The following NBPF26 variants were observed in gnomAD, a reference collection of about 807,000 sequenced individuals.
NBPF26 encodes the protein NBPF member 26, also known as NBPF family member NBPF26.
Under a neutral mutation model 119.6 loss-of-function variants are expected in NBPF26, and 79 were observed. The ratio of observed to expected loss-of-function variants is 0.66; its 90% CI spans 0.55 to 0.80. NBPF26 has a LOEUF of 0.80. NBPF26 is among the 30% of genes least tolerant of loss of function. The pLI is 0.00. For missense variants in NBPF26, 800 were observed against 1,198.2 expected, an observed-to-expected ratio of 0.67 and a Z score of 4.91; for synonymous variants, 299 against 457.7, an observed-to-expected ratio of 0.65 and a Z score of 4.43.
chr1:120,766,086 A>G (rs1651191814), intron 2 of NBPF26, among the ~76,000 whole-genome samples: 2 of 40,722 alleles, frequency 4.9e-5, no homozygotes, highest in East Asian at 5.3e-4. Context: ...ACCATGGCAC[A>G]TGTATACCTA....
chr1:120,731,935 TTCTGGGTTAAGAGTAGC>T lies in NBPF26; in HGVS notation c.73+7689_73+7705del, dbSNP rs1404675319. ...GATCTATGGGTGTTGCAGAACCTGT[TTCTGGGTTAAGAGTAGC>T]TCTCTCACCCTTATTATATATGTTT... On this transcript the variant is annotated intron_variant, in intron 1 of 29. Transcript: ENST00000620612. 4.9e-5 allele frequency among the ~76,000 whole-genome samples: 5 copies of T among 101,714 alleles called. 2 individuals are homozygous for T. Among genetic ancestry groups the T allele is most frequent in the African/African-American group, 3.3e-4 (5 of 15,280 alleles). The allele number at this position is 101,714 out of a possible 152,430, so 66.7% of individuals were successfully genotyped here.
chr1:120,840,808 G>T (rs1386196728), downstream of NBPF26: 13 of 576,010 alleles, frequency 2.3e-5, 3 homozygotes, highest in Non-Finnish European at 3.1e-5. Context: ...ACATAACTGT[G>T]CAGCACATGC....
chr1:120,784,616 C>A (rs1484086406), intron 2 of NBPF26, among the ~76,000 whole-genome samples: 1 of 118,440 alleles, frequency 8.4e-6, no homozygotes, highest in Non-Finnish European at 1.6e-5. Context: ...TCTTTGCTCA[C>A]CCCACACCCT....
At position 120,810,777 on chromosome 1, in the gene NBPF26, A is replaced by T. The variant is rs1478458818; in HGVS notation, c.1564+219A>T. Among the ~76,000 whole-genome samples, 4 of 111,178 alleles carry T rather than the reference A, an allele frequency of 3.6e-5. 1 individual carries two copies. Among genetic ancestry groups the T allele is most frequent in the Non-Finnish European group, 7.0e-5 (4 of 57,370 alleles). 72.9% of individuals were successfully genotyped at this position (111,178 alleles called of 152,430 possible). A position where few individuals can be genotyped will look rare whatever the true frequency, so the allele number is the denominator to read the frequency against. ...AAGACCAGCCTACACAATATGGTGA[A>T]ACCCATCTTTACAAAGAATACAAAA... On this transcript the variant is annotated intron_variant, in intron 9 of 29. Transcript: ENST00000620612.
intron 18 of NBPF26, among the ~76,000 whole-genome samples, chr1:120,825,306 C>CTT (rs1316268201): frequency 8.2e-6 from 1 of 122,482 alleles, no homozygotes; most frequent in African/African-American, 4.6e-5. Context: ...TCTCCTCTCT[C>CTT]TCTCTCTCCC....
At chr1:120,810,165 C>T (rs1193837523) in intron 8 of NBPF26, among the ~76,000 whole-genome samples, 182 bp from the exon 9 acceptor site, 1 of 120,862 alleles carries the variant, frequency 8.3e-6, no homozygotes, top group Non-Finnish European at 1.6e-5. Flanking sequence ...TCTCTGGCTC[C>T]CATGGCAGCC....
Position 120,811,084 on chromosome 1 carries a change from CAA to C in NBPF26, c.1564+539_1564+540del, listed in dbSNP as rs1271078942. ...TGAAACCCCGTCTTTACTAAAAATA[CAA>C]AAAAAAAAAAAATTAGCTGGGTGTG... On this transcript the variant is annotated intron_variant, in intron 9 of 29. Coordinates refer to ENST00000620612, the Ensembl canonical transcript of NBPF26. Among the ~76,000 whole-genome samples, 160 of 83,272 alleles carry C rather than the reference CAA, an allele frequency of 1.9e-3. 40 individuals carry two copies. The highest frequency in any genetic ancestry group is 3.6e-3 in the Admixed American group (32 of 8,816). The allele number at this position is 83,272 out of a possible 152,430, so 54.6% of individuals were successfully genotyped here.
intron 2 of NBPF26, among the ~76,000 whole-genome samples, chr1:120,779,753 CAAG>C (rs1195352836): frequency 8.2e-6 from 1 of 122,026 alleles, no homozygotes; most frequent in Non-Finnish European, 1.7e-5. Context: ...TTAGCCATCT[CAAG>C]AAGACAGCTA....
intron 3 of NBPF26, among the ~76,000 whole-genome samples, chr1:120,791,340 A>G (rs1443191961): frequency 1.0e-5 from 1 of 98,930 alleles, no homozygotes; most frequent in Non-Finnish European, 1.8e-5. Context: ...ATAAAGACAC[A>G]TGCACACGTA....
intron 5 of NBPF26, among the ~76,000 whole-genome samples, chr1:120,807,308 C>T (rs1453311242): frequency 8.0e-6 from 1 of 125,362 alleles, no homozygotes; most frequent in Non-Finnish European, 1.6e-5. Context: ...GGAAAGTGGC[C>T]CCGCATTCAG....
intron 5 of NBPF26, among the ~76,000 whole-genome samples, chr1:120,806,978 G>A (rs1161917563): frequency 9.1e-6 from 1 of 109,436 alleles, no homozygotes; most frequent in Non-Finnish European, 1.7e-5. Flanking sequence ...CACTAACTAA[G>A]CTTATGCTGT....
intron 2 of NBPF26, among the ~76,000 whole-genome samples, chr1:120,766,130 C>G (rs1651192566): frequency 2.4e-5 from 1 of 42,130 alleles, no homozygotes; most frequent in Admixed American, 2.3e-4. Flanking sequence ...ACATGTATCC[C>G]AAAACTTAAA....
At chr1:120,811,888 C>T (rs1651877691) in exon 10 of NBPF26, 2 of 931,714 alleles carry the variant, frequency 2.1e-6, no homozygotes, top group Admixed American at 2.0e-5. Context: ...CTCCCCAGTC[C>T]CTGGCCCCAC....
In NBPF26 at chr1:120,816,865, T is replaced by A. The variant is rs1170804263; in HGVS notation, c.2371+38T>A. The A allele has an allele frequency of 0.011, 15,461 of 1,446,856 alleles. 3,380 individuals are homozygous for A. In the African/African-American group the frequency reaches 0.12, roughly 11 times the overall value. The allele number at this position is 1,446,856 out of a possible 1,614,324, so 89.6% of individuals were successfully genotyped here. A position where few individuals can be genotyped will look rare whatever the true frequency, so the allele number is the denominator to read the frequency against. ...TTCCTTGTGTCTCATACCTCTTTCT[T>A]GGCTGAGGAAGATAAACTCTGAAGA... is the stretch of plus-strand genomic sequence containing the variant. On this transcript the variant is annotated intron_variant, in intron 14 of 29. Coordinates refer to ENST00000620612, the Ensembl canonical transcript of NBPF26.
intron 10 of NBPF26, among the ~76,000 whole-genome samples, chr1:120,813,322 A>C (rs1463943218): frequency 1.6e-5 from 2 of 127,882 alleles, no homozygotes; most frequent in African/African-American, 3.7e-5. Context: ...CACAAACTTT[A>C]TTAACATTTG....
rs1245033468 is a variant in NBPF26 at position 120,742,320 on chromosome 1, T to C, written c.73+18070T>C. Among the ~76,000 whole-genome samples the C allele has an allele frequency of 1.9e-4, 6 of 31,980 alleles. 1 individual carries two copies. The highest frequency in any genetic ancestry group is 9.3e-4 in the African/African-American group (2 of 2,146). 21.0% of individuals were successfully genotyped at this position (31,980 alleles called of 152,430 possible). A position where few individuals can be genotyped will look rare whatever the true frequency, so the allele number is the denominator to read the frequency against. On this transcript the variant is annotated intron_variant, in intron 1 of 29. Coordinates refer to ENST00000620612, the Ensembl canonical transcript of NBPF26. Reference sequence around the variant, plus strand: ...AACTCTGTGTGTGTGTGCGTGTGTGTGTGTGTGTGTGTGTGTGTGTGTGTG... The same window carrying C: ...AACTCTGTGTGTGTGTGCGTGTGTGCGTGTGTGTGTGTGTGTGTGTGTGTG...
intron 3 of NBPF26, among the ~76,000 whole-genome samples, chr1:120,790,419 C>T (rs1482313139): frequency 1.7e-5 from 2 of 116,142 alleles, no homozygotes; most frequent in East Asian, 4.3e-4. Flanking sequence ...ATACCTCAGT[C>T]AGCTTACTAG....
chr1:120,801,373 G>T (rs1651579189), intron 4 of NBPF26, among the ~76,000 whole-genome samples: 1 of 118,334 alleles, frequency 8.5e-6, no homozygotes, highest in Non-Finnish European at 1.7e-5. Context: ...AGTGGTGATG[G>T]TTGCAGAACT....
At chr1:120,729,810 C>T (rs1479618264) in intron 1 of NBPF26, among the ~76,000 whole-genome samples, 2 of 114,226 alleles carry the variant, frequency 1.8e-5, no homozygotes, top group Non-Finnish European at 3.3e-5. Flanking sequence ...AAGAAATAGC[C>T]AGGTGATTCT....
Sources: allele counts gnomAD v4.1 joint callset (sites outside exome capture counted in the v4.1 genomes callset), GRCh38; gene constraint gnomAD v4.1.1; transcripts MANE v1.5; gene names NCBI Gene and HGNC (gene_info 2026-07-23, HGNC 2026-07-21).